Variants in IREB2 observed in about 807,000 individuals in gnomAD.
The protein encoded by IREB2 is iron responsive element binding protein 2.
Under a neutral mutation model 118.8 loss-of-function variants are expected in IREB2, and 39 were observed. That is an observed-to-expected ratio of 0.33 (90% CI 0.25 to 0.43). The LOEUF (loss-of-function observed/expected upper bound fraction) is 0.43. Ranked by LOEUF, IREB2 falls within the 20% of genes least tolerant of loss-of-function variation. IREB2 has a pLI of 1.00. For synonymous variants in IREB2, 372 were observed against 392.2 expected (o/e 0.95, Z 0.61); for missense variants, 900 against 1,147.3 (o/e 0.78, Z 3.11).
intron 2 of IREB2, among the ~76,000 whole-genome samples, chr15:78,459,115 A>G (rs2051154769): frequency 2.0e-5 from 3 of 152,196 alleles, no homozygotes; most frequent in South Asian, 2.1e-4. Flanking sequence ...TTAACGGGAA[A>G]AAAAAGTAGC....
At position 78,466,442 on chromosome 15, in the gene IREB2, T is replaced by A; in HGVS notation, c.582T>A (p.Ile194=). ...ACTCAGGAACATTTTCTTCGCAGAT[T>A]GAGAATACACCCATCCTGTGTCCTT... The part of the protein sequence containing the change: ...GRNSGTFSSQ[I]ENTPILCPFH... The change falls in exon 5 of 22, where the codon ATT becomes ATA. Residue 194 remains isoleucine (I), a synonymous_variant. Coordinates refer to ENST00000258886, the MANE Select transcript of IREB2 (RefSeq NM_004136.4). 1 of 1,614,070 alleles carries A rather than the reference T, an allele frequency of 6.2e-7. No individual in the cohort carries two copies. Among genetic ancestry groups the A allele is most frequent in the Non-Finnish European group, 8.5e-7 (1 of 1,179,902 alleles).
chr15:78,471,737 A>G lies in IREB2; in HGVS notation c.700-4A>G, dbSNP rs1257708175. 3.0e-5 allele frequency: 48 copies of G among 1,578,682 alleles called. No individual in the cohort carries two copies. In the Middle Eastern group the frequency reaches 5.0e-4, roughly 17 times the overall value. ...TGTATTTCTTAAATTTAAACAAAAT[A>G]TAGTGGAGTTCAAGAGTTTTTAAGA... On this transcript the variant is annotated splice_polypyrimidine_tract_variant and splice_region_variant and intron_variant, in intron 6 of 21. Transcript: ENST00000258886.
intron 2 of IREB2, among the ~76,000 whole-genome samples, chr15:78,458,194 G>C (rs988544849): frequency 2.0e-5 from 3 of 151,978 alleles, no homozygotes; most frequent in African/African-American, 4.8e-5. Context: ...TCTACTTTAC[G>C]TACAACTTTA....
At position 78,490,682 on chromosome 15, in the gene IREB2, T is replaced by A. The variant is rs1429492419; in HGVS notation, c.2245T>A (p.Ser749Thr). The change falls in exon 18 of 22, where the codon TCT (serine) becomes ACT (threonine). Residue 749 changes from serine to threonine, a missense_variant. Transcript: ENST00000258886. ...NAHVLLYLGD[S>T]VTTDHISPAG... ...CCATGTCTTATTATATTTGGGAGAC[T>A]CTGTCACAACAGATCATATATCACC... is the stretch of plus-strand genomic sequence containing the variant. 3.7e-6 allele frequency: 6 copies of A among 1,614,014 alleles called. No individual in the cohort carries two copies. Among genetic ancestry groups the A allele is most frequent in the Non-Finnish European group, 5.1e-6 (6 of 1,179,858 alleles).
At chr15:78,448,452 A>G (rs558364426) in intron 2 of IREB2, among the ~76,000 whole-genome samples, 3 of 152,308 alleles carry the variant, frequency 2.0e-5, no homozygotes, top group African/African-American at 7.2e-5. Flanking sequence ...GCCCAATGGC[A>G]ATATATTTTA....
At chr15:78,448,254 C>T (rs938599457) in intron 2 of IREB2, among the ~76,000 whole-genome samples, 4 of 152,110 alleles carry the variant, frequency 2.6e-5, no homozygotes, top group Admixed American at 6.6e-5. Flanking sequence ...AAGTGATTCT[C>T]GTGCCTCAGC....
At chr15:78,472,572 G>T (rs1016694884) in intron 7 of IREB2, among the ~76,000 whole-genome samples, 9 of 152,094 alleles carry the variant, frequency 5.9e-5, no homozygotes, top group African/African-American at 2.2e-4. Context: ...TTGCTATGCT[G>T]GCCTGGCTGG....
At chr15:78,479,186 CT>C (rs1167798451) in intron 10 of IREB2, among the ~76,000 whole-genome samples, 1 of 151,956 alleles carries the variant, frequency 6.6e-6, no homozygotes, top group African/African-American at 2.4e-5. Context: ...TCTCATACTT[CT>C]GGTTTCAGGG....
intron 4 of IREB2, 65 bp from the exon 5 acceptor site, chr15:78,466,206 T>A (rs2051279054): frequency 9.1e-7 from 1 of 1,098,396 alleles, no homozygotes; most frequent in South Asian, 1.5e-5. Flanking sequence ...TGTGCGTTTT[T>A]TTTTAAGAGC....
At position 78,456,302 on chromosome 15, in the gene IREB2, T is replaced by C. The variant is rs188278915; in HGVS notation, c.107-6620T>C. ...TTCCCTGGCAGTAGGTCTCTAGTCA[T>C]TACTTTTACAAATTTAGACAAATTT... On this transcript the variant is annotated intron_variant, in intron 2 of 21. Transcript: ENST00000258886. Among the ~76,000 whole-genome samples the C allele has an allele frequency of 4.3e-3, 655 of 152,320 alleles. 1 individual carries two copies. Among genetic ancestry groups the C allele is most frequent in the Non-Finnish European group, 5.9e-3 (401 of 68,036 alleles).
chr15:78,483,646 T>C (rs892593952), intron 11 of IREB2, among the ~76,000 whole-genome samples: 3 of 152,210 alleles, frequency 2.0e-5, no homozygotes, highest in Admixed American at 2.0e-4. Flanking sequence ...AGATTGATTG[T>C]GTCTATTTAA....
intron 2 of IREB2, among the ~76,000 whole-genome samples, chr15:78,450,548 AGTG>A (rs2051005879): frequency 1.3e-5 from 2 of 152,134 alleles, no homozygotes; most frequent in Admixed American, 6.5e-5. Context: ...ATCAGGAACT[AGTG>A]GTGTGGGCAT....
At chr15:78,446,873 G>A (rs989232793) in intron 2 of IREB2, among the ~76,000 whole-genome samples, 5 of 116,264 alleles carry the variant, frequency 4.3e-5, no homozygotes, top group African/African-American at 1.8e-4. Context: ...AGCAAAGAAT[G>A]CCAGTTTACA....
At chr15:78,495,896 A>AG (rs2053201642) in intron 20 of IREB2, among the ~76,000 whole-genome samples, 1 of 152,212 alleles carries the variant, frequency 6.6e-6, no homozygotes, top group African/African-American at 2.4e-5. Flanking sequence ...AAGACTCCTT[A>AG]GGTAGACAGT....
At chr15:78,461,503 G>A (rs901599716) in intron 2 of IREB2, among the ~76,000 whole-genome samples, 5 of 152,206 alleles carry the variant, frequency 3.3e-5, no homozygotes, top group Admixed American at 6.5e-5. Flanking sequence ...GTTTAAAAAC[G>A]GATTATTTTA....
chr15:78,488,068 G>T, intron 14 of IREB2, 112 bp from the exon 15 acceptor site: 1 of 968,288 alleles, frequency 1.0e-6, no homozygotes, highest in Non-Finnish European at 1.5e-6. Flanking sequence ...TTAGTAATAT[G>T]TTTTTTGGTT....
chr15:78,480,719 C>A (rs371068079), intron 10 of IREB2, among the ~76,000 whole-genome samples: 1 of 127,142 alleles, frequency 7.9e-6, no homozygotes, highest in Non-Finnish European at 1.6e-5. Context: ...TCTGGCCGGG[C>A]GTGGTGGCTC....
intron 2 of IREB2, among the ~76,000 whole-genome samples, chr15:78,462,496 AT>A (rs1321617523): frequency 6.6e-6 from 1 of 152,166 alleles, no homozygotes. Context: ...TTGATGGAAA[AT>A]TTTAAATTTA....
At chr15:78,447,490 C>T (rs564564264) in intron 2 of IREB2, among the ~76,000 whole-genome samples, 1 of 152,226 alleles carries the variant, frequency 6.6e-6, no homozygotes, top group East Asian at 1.9e-4. Context: ...GCCACCATAC[C>T]TGGCTGATTT....
Sources: allele counts gnomAD v4.1 joint callset (sites outside exome capture counted in the v4.1 genomes callset), GRCh38; gene constraint gnomAD v4.1.1; transcripts MANE v1.5; gene names NCBI Gene and HGNC (gene_info 2026-07-23, HGNC 2026-07-21).